Variants in PIK3R1 observed in about 807,000 individuals in gnomAD.
The protein encoded by PIK3R1 is phosphoinositide-3-kinase regulatory subunit 1.
PIK3R1 carries 29 observed loss-of-function variants against 98.0 expected under a neutral mutation model. That is an observed-to-expected ratio of 0.30 (90% CI 0.22 to 0.40). PIK3R1 has a LOEUF of 0.40. Among genes scored for constraint, PIK3R1 ranks in the 10% least tolerant of loss-of-function variants. The pLI is 1.00. For synonymous variants in PIK3R1, 282 were observed against 311.8 expected, an observed-to-expected ratio of 0.90 and a Z score of 1.01; for missense variants, 596 against 872.7, an observed-to-expected ratio of 0.68 and a Z score of 3.99.
intron 2 of PIK3R1, among the ~76,000 whole-genome samples, chr5:68,237,506 C>T (rs1037135107): frequency 3.3e-5 from 5 of 151,040 alleles, no homozygotes; most frequent in Admixed American, 3.3e-4. Flanking sequence ...TGACATTGCC[C>T]AGAGATAGTC....
rs72757655 is a variant in PIK3R1 at position 68,230,501 on chromosome 5, C to T, written c.334+3492C>T. Reference sequence around the variant, plus strand: ...TGTGCAGTCATACAAAGCTTAATGGCCCATCTTGTTTTAGAAAATAACAGC... The same window carrying T: ...TGTGCAGTCATACAAAGCTTAATGGTCCATCTTGTTTTAGAAAATAACAGC... On this transcript the variant is annotated intron_variant, in intron 2 of 15. Coordinates refer to ENST00000521381, the MANE Select transcript of PIK3R1 (RefSeq NM_181523.3). Among the ~76,000 whole-genome samples the T allele has an allele frequency of 4.8e-3, 731 of 152,300 alleles. 2 individuals are homozygous for T. Among genetic ancestry groups the T allele is most frequent in the Non-Finnish European group, 7.6e-3 (520 of 68,026 alleles).
intron 7 of PIK3R1, among the ~76,000 whole-genome samples, chr5:68,286,448 C>T (rs1445109263): frequency 6.6e-6 from 1 of 152,152 alleles, no homozygotes; most frequent in East Asian, 1.9e-4. Flanking sequence ...ACGAAATATA[C>T]AGAAAGTTGA....
chr5:68,262,174 G>A (rs1034439582), intron 2 of PIK3R1, among the ~76,000 whole-genome samples: 2 of 151,810 alleles, frequency 1.3e-5, no homozygotes, highest in East Asian at 1.9e-4. Context: ...TAATTAAAAC[G>A]ACTGATTGAA....
At chr5:68,233,723 G>T (rs964069970) in intron 2 of PIK3R1, among the ~76,000 whole-genome samples, 1 of 152,028 alleles carries the variant, frequency 6.6e-6, no homozygotes, top group Admixed American at 6.6e-5. Context: ...TTATATAATG[G>T]ATAACATAGT....
At chr5:68,264,234 C>T (rs1255756033) in intron 2 of PIK3R1, among the ~76,000 whole-genome samples, 1 of 152,164 alleles carries the variant, frequency 6.6e-6, no homozygotes, top group Non-Finnish European at 1.5e-5. Flanking sequence ...AGCTGGCCTG[C>T]CAGTCCAAGC....
rs796571902 is a variant in PIK3R1, at chr5:68,292,946, A to G, written c.1020-155A>G. 12 of 685,584 alleles carry G rather than the reference A, an allele frequency of 1.8e-5. No individual in the cohort carries two copies. The African/African-American group carries it at 2.2e-4, about 12-fold the overall frequency. 42.5% of individuals were successfully genotyped at this position (685,584 alleles called of 1,614,324 possible). A position where few individuals can be genotyped will look rare whatever the true frequency, so the allele number is the denominator to read the frequency against. On this transcript the variant is annotated intron_variant, in intron 8 of 15. Coordinates refer to ENST00000521381, the MANE Select transcript of PIK3R1 (RefSeq NM_181523.3). Reference sequence around the variant, plus strand: ...CTGAAAATGCAATTCATTAATTTAAATCTATGTGGGCAGGAGGAATATGGG... The same window carrying G: ...CTGAAAATGCAATTCATTAATTTAAGTCTATGTGGGCAGGAGGAATATGGG...
chr5:68,295,917 G>T (rs1256775003), intron 14 of PIK3R1, among the ~76,000 whole-genome samples: 1 of 152,122 alleles, frequency 6.6e-6, no homozygotes, highest in Non-Finnish European at 1.5e-5. Context: ...CTCTGCCCAG[G>T]TACCTGAGTG....
At chr5:68,266,408 C>T (rs1239410841) in intron 2 of PIK3R1, among the ~76,000 whole-genome samples, 1 of 152,014 alleles carries the variant, frequency 6.6e-6, no homozygotes, top group African/African-American at 2.4e-5. Flanking sequence ...AATAGGGGCT[C>T]CTATTGCTTT....
chr5:68,238,548 C>A (rs753760790), intron 2 of PIK3R1, among the ~76,000 whole-genome samples: 4 of 151,790 alleles, frequency 2.6e-5, no homozygotes, highest in Non-Finnish European at 5.9e-5. Context: ...GGGATGAAAT[C>A]GGAGTGAAAC....
intron 2 of PIK3R1, among the ~76,000 whole-genome samples, chr5:68,242,726 G>A (rs1294653548): frequency 6.6e-6 from 1 of 152,194 alleles, no homozygotes; most frequent in Non-Finnish European, 1.5e-5. Flanking sequence ...CTGAGCCATG[G>A]CCAAGGATTT....
chr5:68,277,425 G>A (rs1465359573), intron 4 of PIK3R1, among the ~76,000 whole-genome samples: 5 of 152,080 alleles, frequency 3.3e-5, no homozygotes, highest in African/African-American at 7.2e-5. Context: ...TTAACACTTC[G>A]CCTCTTCACC....
chr5:68,272,726 G>C (rs1038358723), intron 2 of PIK3R1, among the ~76,000 whole-genome samples: 2 of 152,082 alleles, frequency 1.3e-5, no homozygotes, highest in African/African-American at 4.8e-5. Context: ...ATAAACAAAG[G>C]CTTTGACAAA....
chr5:68,247,029 CTA>C (rs978889557), intron 2 of PIK3R1, among the ~76,000 whole-genome samples: 29 of 152,274 alleles, frequency 1.9e-4, no homozygotes, highest in Middle Eastern at 6.8e-3. Context: ...AGAACTAAAA[CTA>C]AAAGGTGTTT....
intron 8 of PIK3R1, chr5:68,292,872 A>T (rs1747470234): frequency 7.0e-6 from 5 of 714,416 alleles, no homozygotes; most frequent in Non-Finnish European, 1.1e-5. Context: ...TGAGACTGCA[A>T]TTGCTAACAT....
intron 1 of PIK3R1, among the ~76,000 whole-genome samples, chr5:68,224,658 A>G (rs551555529): frequency 2.4e-4 from 37 of 152,358 alleles, no homozygotes; most frequent in Middle Eastern, 3.4e-3. Flanking sequence ...TTTAAAACTT[A>G]TAAAAGCTCT....
intron 8 of PIK3R1, chr5:68,292,877 T>C (rs1280097904): frequency 1.4e-6 from 1 of 697,080 alleles, no homozygotes; most frequent in Non-Finnish European, 2.3e-6. Flanking sequence ...CTGCAATTGC[T>C]AACATTTCTA....
intron 2 of PIK3R1, among the ~76,000 whole-genome samples, chr5:68,248,954 T>C (rs1351076548): frequency 6.6e-6 from 1 of 152,232 alleles, no homozygotes; most frequent in Non-Finnish European, 1.5e-5. Context: ...TCCAGCATAC[T>C]GCTATGGATG....
chr5:68,225,848 C>T (rs1273496299), intron 1 of PIK3R1, among the ~76,000 whole-genome samples: 1 of 152,234 alleles, frequency 6.6e-6, no homozygotes, highest in Non-Finnish European at 1.5e-5. Context: ...ATTGGACTGC[C>T]TGTTCTAGCT....
intron 2 of PIK3R1, among the ~76,000 whole-genome samples, chr5:68,234,339 A>T (rs1355727904): frequency 1.3e-5 from 2 of 152,252 alleles, no homozygotes; most frequent in Non-Finnish European, 2.9e-5. Context: ...GCAACCCAGA[A>T]GCCCTGTATA....
Sources: gnomAD v4.1 joint callset for allele counts (sites outside exome capture counted in the v4.1 genomes callset) on GRCh38, gnomAD v4.1.1 for gene constraint, MANE v1.5 for transcripts, NCBI Gene and HGNC (gene_info 2026-07-23, HGNC 2026-07-21) for gene names.